DDC: variants seen among roughly 807,000 people sequenced by gnomAD.
DDC encodes aromatic-L-amino-acid decarboxylase.
A neutral mutation model predicts 60.0 loss-of-function variants in DDC; 43 were observed. The ratio of observed to expected loss-of-function variants is 0.72; its 90% confidence interval spans 0.56 to 0.92. The LOEUF (loss-of-function observed/expected upper bound fraction) is 0.92. DDC is among the 40% of genes least tolerant of loss of function. The pLI, the probability that DDC is intolerant of heterozygous loss-of-function variation, is 0.00. For synonymous variants in DDC, 232 were observed against 234.6 expected, an observed-to-expected ratio of 0.99 and a Z score of 0.10; for missense variants, 573 against 620.2, an observed-to-expected ratio of 0.92 and a Z score of 0.81.
chr7:50,553,484 C>CTTTTTTTTTTTTTTTTTT (rs5884158), intron 1 of DDC, among the ~76,000 whole-genome samples: 9 of 90,924 alleles, frequency 9.9e-5, no homozygotes, highest in Non-Finnish European at 1.5e-4. Context: ...TCTTTCTTTT[C>CTTTTTTTTTTTTTTTTTT]TTTTTTTTTT....
At position 50,513,403 on chromosome 7, in the gene DDC, T is replaced by C. The variant is rs558169129; in HGVS notation, c.715-9344A>G. ...ATTGGGAAGGCAGCCAGAGGAGCAG[T>C]GGGTAAAACTTCACAGGGAGAAGGA... is the stretch of plus-strand genomic sequence containing the variant. On this transcript the variant is annotated intron_variant, in intron 6 of 14. Transcript: ENST00000444124. Among the ~76,000 whole-genome samples, 3 of 152,178 alleles carry C rather than the reference T, an allele frequency of 2.0e-5. No homozygotes were observed. In the East Asian group the frequency reaches 5.8e-4, roughly 29 times the overall value.
intron 11 of DDC, 68 bp downstream of exon 11, chr7:50,476,556 T>G: frequency 2.2e-6 from 3 of 1,337,166 alleles, no homozygotes; most frequent in South Asian, 1.2e-5. Flanking sequence ...AGGAGATGTG[T>G]GACAGCTGTG....
At chr7:50,460,410 G>C (rs971823244) in intron 14 of DDC, among the ~76,000 whole-genome samples, 3 of 149,318 alleles carry the variant, frequency 2.0e-5, no homozygotes, top group Non-Finnish European at 3.0e-5. Context: ...GAGGAAGGTG[G>C]GGGGGTCAGC....
chr7:50,534,506 G>A (rs1297293550), intron 4 of DDC, among the ~76,000 whole-genome samples: 1 of 152,176 alleles, frequency 6.6e-6, no homozygotes, highest in Non-Finnish European at 1.5e-5. Flanking sequence ...GCTGAGGCAG[G>A]AGAATGGCTT....
At position 50,467,056 on chromosome 7, in the gene DDC, T is replaced by C. The variant is rs11575523; in HGVS notation, c.1242+158A>G. 0.053 allele frequency among the ~76,000 whole-genome samples: 8,017 copies of C among 152,334 alleles called. 493 individuals are homozygous for C. The highest frequency in any genetic ancestry group is 0.15 in the African/African-American group (6,171 of 41,564). On this transcript the variant is annotated intron_variant, in intron 13 of 14. Transcript: ENST00000444124. ...CGCTGTGCGTGGAAACAAGGCTGTG[T>C]AGCATGGGGCAGGGCAGGCCGGTGG...
At chr7:50,561,841 G>T (rs910507262) in intron 1 of DDC, among the ~76,000 whole-genome samples, 4 of 152,072 alleles carry the variant, frequency 2.6e-5, no homozygotes, top group African/African-American at 9.7e-5. Flanking sequence ...AGGTGCCCCT[G>T]CCCCGACCAC....
At chr7:50,498,234 A>T (rs2043168525) in intron 8 of DDC, among the ~76,000 whole-genome samples, 1 of 152,230 alleles carries the variant, frequency 6.6e-6, no homozygotes, top group Non-Finnish European at 1.5e-5. Flanking sequence ...CTTAAGGATA[A>T]ATCTAGGATT....
chr7:50,466,493 GAAAAAA>G (rs57396757), intron 13 of DDC, among the ~76,000 whole-genome samples: 32 of 64,066 alleles, frequency 5.0e-4, no homozygotes, highest in Middle Eastern at 0.01. Flanking sequence ...TCTCCAAAAA[GAAAAAA>G]AAAAAAAAAA....
At chr7:50,505,258 A>T (rs1276962648) in intron 6 of DDC, among the ~76,000 whole-genome samples, 1 of 152,262 alleles carries the variant, frequency 6.6e-6, no homozygotes, top group Non-Finnish European at 1.5e-5. Flanking sequence ...CATTGCATAG[A>T]TGCTGAAACC....
chr7:50,530,863 G>A (rs2044182419), intron 4 of DDC, among the ~76,000 whole-genome samples: 1 of 152,162 alleles, frequency 6.6e-6, no homozygotes, highest in Admixed American at 6.5e-5. Context: ...AAATAATTAA[G>A]TAGAAATGCT....
At chr7:50,492,882 G>C in intron 9 of DDC, 1 of 1,587,328 alleles carries the variant, frequency 6.3e-7, no homozygotes, top group African/African-American at 1.3e-5. Context: ...CAGCGTCTGC[G>C]GCAGCCTCGG....
intron 14 of DDC, among the ~76,000 whole-genome samples, chr7:50,461,581 C>T (rs891503043): frequency 6.6e-5 from 10 of 152,140 alleles, no homozygotes; most frequent in Admixed American, 3.9e-4. Flanking sequence ...TTCTTCTGGG[C>T]GTATGTCAAT....
intron 9 of DDC, among the ~76,000 whole-genome samples, chr7:50,483,578 C>A (rs2042816369): frequency 6.6e-6 from 1 of 152,076 alleles, no homozygotes; most frequent in African/African-American, 2.4e-5. Context: ...GATAAGTTTC[C>A]TGCAGTTTAG....
intron 10 of DDC, among the ~76,000 whole-genome samples, chr7:50,478,571 C>T (rs1466749881): frequency 1.3e-5 from 2 of 152,182 alleles, no homozygotes; most frequent in Non-Finnish European, 2.9e-5. Context: ...ATCTGCTTCT[C>T]CGTGAATCTG....
chr7:50,480,717 C>T (rs1253278861), intron 9 of DDC, among the ~76,000 whole-genome samples: 1 of 152,186 alleles, frequency 6.6e-6, no homozygotes, highest in East Asian at 1.9e-4. Flanking sequence ...CAGAGGTTAG[C>T]ATTTGCTCCT....
intron 3 of DDC, 69 bp from the exon 4 acceptor site, chr7:50,538,048 A>C: frequency 1.3e-6 from 2 of 1,590,488 alleles, no homozygotes; most frequent in Non-Finnish European, 1.7e-6. Context: ...CAGCAGTAAC[A>C]AGGGGATTTA....
At chr7:50,527,285 A>G (rs2044065107) in intron 6 of DDC, among the ~76,000 whole-genome samples, 1 of 152,158 alleles carries the variant, frequency 6.6e-6, no homozygotes, top group South Asian at 2.1e-4. Context: ...GTAAAATACA[A>G]TCTTAACATT....
At chr7:50,491,449 G>A (rs1033544483) in intron 9 of DDC, among the ~76,000 whole-genome samples, 13 of 152,122 alleles carry the variant, frequency 8.5e-5, no homozygotes, top group South Asian at 2.1e-4. Context: ...TTAGTCACAA[G>A]AGACCAGACA....
At chr7:50,487,593 T>C (rs1233421842) in intron 9 of DDC, among the ~76,000 whole-genome samples, 1 of 152,146 alleles carries the variant, frequency 6.6e-6, no homozygotes, top group Non-Finnish European at 1.5e-5. Context: ...TTTATTTGCA[T>C]GACTGTTTAT....
Sources: allele counts gnomAD v4.1 joint callset (sites outside exome capture counted in the v4.1 genomes callset), GRCh38; gene constraint gnomAD v4.1.1; transcripts MANE v1.5; gene names NCBI Gene and HGNC (gene_info 2026-07-23, HGNC 2026-07-21).